The following PCDHGC5 variants were observed in gnomAD, a reference collection of about 807,000 sequenced individuals.
PCDHGC5 encodes protocadherin gamma subfamily C, 5, also known as protocadherin gamma-C5.
PCDHGC5 carries 25 observed loss-of-function variants against 59.0 expected under a neutral mutation model. The observed-to-expected ratio is 0.42, with a 90% CI of 0.31 to 0.59. The LOEUF (loss-of-function observed/expected upper bound fraction) is 0.59. Ranked by LOEUF, PCDHGC5 falls within the 20% of genes least tolerant of loss-of-function variation. The probability of loss-of-function intolerance (pLI) is 0.13; values close to 1 mark genes in which losing one functional copy is unlikely to be tolerated. For missense variants in PCDHGC5, 1,067 were observed against 1,206.4 expected, an observed-to-expected ratio of 0.88 and a Z score of 1.71; for synonymous variants, 434 against 505.5, an observed-to-expected ratio of 0.86 and a Z score of 1.90.
At position 141,490,456 on chromosome 5, in the gene PCDHGC5, C is replaced by G. The variant is rs370141879; in HGVS notation, c.1216C>G (p.Leu406Val). Residue 406 changes from leucine (L) to valine (V), a missense_variant, in exon 1 of 4, where the codon CTG becomes GTG. Transcript: ENST00000252087. The surrounding 1 kb of genome is among the most constrained non-coding windows in gnomAD (Gnocchi z 5.4). The stretch of plus-strand genomic sequence containing the variant: ...TAAGCCTTCTGAGAACCACTACTCG[C>G]TGCTAACCAGCCAGCCTTTGGACCG... ...QIKPSENHYS[L>V]LTSQPLDREA... 3.7e-6 allele frequency: 6 copies of G among 1,614,114 alleles called. No individual in the cohort carries two copies. Among genetic ancestry groups the G allele is most frequent in the Non-Finnish European group, 5.1e-6 (6 of 1,180,058 alleles).
chr5:141,491,895 A>C lies in PCDHGC5; in HGVS notation c.2460+195A>C. 1.4e-6 allele frequency: 2 copies of C among 1,434,306 alleles called. No individual in the cohort carries two copies. The highest frequency in any genetic ancestry group is 1.8e-6 in the Non-Finnish European group (2 of 1,084,904). 88.8% of individuals were successfully genotyped at this position (1,434,306 alleles called of 1,614,324 possible). Reference sequence around the variant, plus strand: ...CCGATTAAGGGATGGGGCTCCGAGCACCGGGGGTGGTGGCGACTGTGGGCG... The same window carrying C: ...CCGATTAAGGGATGGGGCTCCGAGCCCCGGGGGTGGTGGCGACTGTGGGCG... On this transcript the variant is annotated intron_variant, in intron 1 of 3. Transcript: ENST00000252087. The surrounding 1 kb of genome is among the most constrained non-coding windows in gnomAD (Gnocchi z 6.9).
At chr5:141,506,119 G>T (rs1171566108) in intron 3 of PCDHGC5, among the ~76,000 whole-genome samples, 1 of 152,106 alleles carries the variant, frequency 6.6e-6, no homozygotes, top group African/African-American at 2.4e-5. Context: ...AGTCACTAGG[G>T]CCCAGAGCAG....
In PCDHGC5 at chr5:141,491,491, G is replaced by C. The variant is rs2099717103; in HGVS notation, c.2251G>C (p.Val751Leu). The C allele has an allele frequency of 1.2e-6, 2 of 1,614,042 alleles. No homozygotes were observed. The highest frequency in any genetic ancestry group is 1.7e-5 in the Admixed American group (1 of 60,016). The stretch of plus-strand genomic sequence containing the variant: ...TAAGCAGTCCAGCCCCAACCTGCAG[G>C]TGAGCTCGGACGGCACGCTCAAGTA... ...FYKQSSPNLQVSSDGTLKYME... is the reference protein window; with the variant it reads ...FYKQSSPNLQLSSDGTLKYME... Residue 751 changes from valine to leucine, a missense_variant, in exon 1 of 4, where the codon GTG becomes CTG. Transcript: ENST00000252087. The surrounding 1 kb of genome is among the most constrained non-coding windows in gnomAD (Gnocchi z 6.9).
intron 2 of PCDHGC5, among the ~76,000 whole-genome samples, chr5:141,499,675 T>A (rs1426498530): frequency 2.0e-5 from 3 of 150,746 alleles, no homozygotes; most frequent in African/African-American, 7.3e-5. Flanking sequence ...GTCTCCACCA[T>A]CTTTAACAGA....
At chr5:141,505,804 G>A (rs554534524) in intron 3 of PCDHGC5, among the ~76,000 whole-genome samples, 13 of 152,240 alleles carry the variant, frequency 8.5e-5, no homozygotes, top group Admixed American at 3.3e-4. Context: ...GACTTGGATC[G>A]ACTTGCTCAA....
chr5:141,501,290 T>TACACACAC (rs55762287), intron 2 of PCDHGC5, among the ~76,000 whole-genome samples: 94 of 136,244 alleles, frequency 6.9e-4, no homozygotes, highest in Admixed American at 2.2e-3. Context: ...TATTCCCTTA[T>TACACACAC]ACACACACAC....
At position 141,490,551 on chromosome 5, in the gene PCDHGC5, T is replaced by A; in HGVS notation, c.1311T>A (p.His437Gln). Residue 437 changes from histidine (H) to glutamine (Q), a missense_variant, in exon 1 of 4, where the codon CAT (histidine) becomes CAA (glutamine). His to Gln is a conservative substitution (Grantham distance 24). Coordinates refer to ENST00000252087, the MANE Select transcript of PCDHGC5 (RefSeq NM_018929.3). This position sits in a 1 kb window ranked among gnomAD's most constrained non-coding sequence, Gnocchi z 5.4. ...CTGGTTCACCTTCCCTACACAAACA[T>A]CTCACCATCAGGCTCAACATTTCAG... is the stretch of plus-strand genomic sequence containing the variant. ...SDAGSPSLHK[H>Q]LTIRLNISDV... 1 of 1,614,088 alleles carries A rather than the reference T, an allele frequency of 6.2e-7. No individual in the cohort carries two copies. Among genetic ancestry groups the A allele is most frequent in the East Asian group, 2.2e-5 (1 of 44,874 alleles).
At chr5:141,500,222 T>TGA (rs1355843194) in intron 2 of PCDHGC5, among the ~76,000 whole-genome samples, 1 of 146,758 alleles carries the variant, frequency 6.8e-6, no homozygotes, top group Non-Finnish European at 1.5e-5. Flanking sequence ...ATTTATTTAT[T>TGA]TATTGATACG....
intron 3 of PCDHGC5, among the ~76,000 whole-genome samples, chr5:141,509,791 C>T (rs2099878284): frequency 6.6e-6 from 1 of 152,164 alleles, no homozygotes; most frequent in Non-Finnish European, 1.5e-5. Flanking sequence ...TCATCATCTC[C>T]TCAGCTTCAT....
At chr5:141,509,334 G>A (rs1184232270) in intron 3 of PCDHGC5, among the ~76,000 whole-genome samples, 1 of 152,186 alleles carries the variant, frequency 6.6e-6, no homozygotes, top group Non-Finnish European at 1.5e-5. Flanking sequence ...ACTGCCAGCT[G>A]GGCCTGGGCT....
At chr5:141,500,094 A>C (rs2099796337) in intron 2 of PCDHGC5, among the ~76,000 whole-genome samples, 1 of 151,860 alleles carries the variant, frequency 6.6e-6, no homozygotes, top group South Asian at 2.1e-4. Context: ...CCATTTTTGC[A>C]ATTTATTTGT....
intron 2 of PCDHGC5, among the ~76,000 whole-genome samples, chr5:141,502,725 G>A (rs1020846462): frequency 2.0e-5 from 3 of 152,150 alleles, no homozygotes; most frequent in Non-Finnish European, 4.4e-5. Context: ...ATTACAAAGC[G>A]GTGATGTTCT....
At chr5:141,501,583 T>C (rs1270487304) in intron 2 of PCDHGC5, among the ~76,000 whole-genome samples, 1 of 152,054 alleles carries the variant, frequency 6.6e-6, no homozygotes, top group Non-Finnish European at 1.5e-5. Context: ...GGCTTTCAGG[T>C]TGCAACTCTA....
At chr5:141,500,877 A>C (rs2099803156) in intron 2 of PCDHGC5, among the ~76,000 whole-genome samples, 1 of 122,292 alleles carries the variant, frequency 8.2e-6, no homozygotes, top group African/African-American at 3.9e-5. Flanking sequence ...TTCATTTACA[A>C]TTTTTTTTTT....
At chr5:141,502,363 T>C (rs1216939790) in intron 2 of PCDHGC5, among the ~76,000 whole-genome samples, 2 of 152,100 alleles carry the variant, frequency 1.3e-5, no homozygotes, top group African/African-American at 4.8e-5. Context: ...ATGGATATTT[T>C]TAAAGAGTCC....
Position 141,490,481 on chromosome 5 carries a change from G to A in PCDHGC5, c.1241G>A (p.Arg414Gln), listed in dbSNP as rs771164683. 8.7e-6 allele frequency: 14 copies of A among 1,614,060 alleles called. No homozygotes were observed. The highest frequency in any genetic ancestry group is 4.0e-5 in the African/African-American group (3 of 74,928). ...CTGCTAACCAGCCAGCCTTTGGACCGGGAGGCCACATCCCACTATATCATC... is the reference window on the plus strand; with the variant it reads ...CTGCTAACCAGCCAGCCTTTGGACCAGGAGGCCACATCCCACTATATCATC... ...YSLLTSQPLDREATSHYIIEL... is the reference protein window; with the variant it reads ...YSLLTSQPLDQEATSHYIIEL... Residue 414 changes from arginine to glutamine, a missense_variant, in exon 1 of 4, where the codon CGG becomes CAG. Transcript: ENST00000252087. The surrounding 1 kb of genome is among the most constrained non-coding windows in gnomAD (Gnocchi z 5.4).
rs748457785 is a variant in PCDHGC5 at position 141,489,197 on chromosome 5, A to G, written c.-44A>G. On this transcript the variant is annotated 5_prime_UTR_variant, in exon 1 of 4. Coordinates refer to ENST00000252087, the MANE Select transcript of PCDHGC5 (RefSeq NM_018929.3). This position sits in a 1 kb window ranked among gnomAD's most constrained non-coding sequence, Gnocchi z 4.5. ...TCCAAGCCCTGGGTCTACCTTGGAG[A>G]CAGGACAGCACAGACTTACTCTCCA... 7 of 1,391,050 alleles carry G rather than the reference A, an allele frequency of 5.0e-6. No individual in the cohort carries two copies. Among genetic ancestry groups the G allele is most frequent in the African/African-American group, 2.9e-5 (2 of 69,150 alleles). 86.2% of individuals were successfully genotyped at this position (1,391,050 alleles called of 1,614,324 possible).
At chr5:141,506,682 C>T (rs1333272766) in intron 3 of PCDHGC5, among the ~76,000 whole-genome samples, 4 of 152,192 alleles carry the variant, frequency 2.6e-5, no homozygotes, top group African/African-American at 9.6e-5. Context: ...ATATTATTAT[C>T]TTTGCTGACC....
chr5:141,504,287 T>C (rs1191226511), intron 2 of PCDHGC5, among the ~76,000 whole-genome samples: 2 of 152,166 alleles, frequency 1.3e-5, no homozygotes, highest in Non-Finnish European at 2.9e-5. Flanking sequence ...AATCATTTCA[T>C]GTTTTTTCAA....
Sources: allele counts gnomAD v4.1 joint callset (sites outside exome capture counted in the v4.1 genomes callset), GRCh38; gene constraint gnomAD v4.1.1; non-coding constraint Gnocchi (gnomAD v3.1); transcripts MANE v1.5; gene names NCBI Gene and HGNC (gene_info 2026-07-23, HGNC 2026-07-21).